UBE2D1: variants seen among roughly 807,000 people sequenced by gnomAD.
UBE2D1 encodes ubiquitin-conjugating enzyme E2 D1.
In UBE2D1, 9 loss-of-function variants were observed where a neutral mutation model predicts 24.6. That is an observed-to-expected ratio of 0.37 (90% confidence interval 0.22 to 0.64). The LOEUF is 0.64. UBE2D1 is among the 30% of genes least tolerant of loss of function. The pLI is 0.64. For synonymous variants in UBE2D1, 57 were observed against 57.6 expected, an observed-to-expected ratio of 0.99 and a Z score of 0.04; for missense variants, 87 against 177.1, an observed-to-expected ratio of 0.49 and a Z score of 2.89.
chr10:58,343,780 C>T (rs1839987247), intron 1 of UBE2D1, among the ~76,000 whole-genome samples: 1 of 152,128 alleles, frequency 6.6e-6, no homozygotes, highest in South Asian at 2.1e-4. Context: ...TATTATGAAA[C>T]ACTCAAGTGC....
intron 1 of UBE2D1, 144 bp downstream of exon 1, chr10:58,335,369 C>G (rs921261954): frequency 9.8e-7 from 1 of 1,020,554 alleles, no homozygotes; most frequent in Non-Finnish European, 1.4e-6. Flanking sequence ...AGGCTCGGGC[C>G]GGGCCAGCGG....
chr10:58,339,689 T>G (rs1201093486), intron 1 of UBE2D1, among the ~76,000 whole-genome samples: 1 of 152,022 alleles, frequency 6.6e-6, no homozygotes, highest in African/African-American at 2.4e-5. Flanking sequence ...AGTTTACTCA[T>G]GATCACATTA....
At chr10:58,360,479 G>T (rs1840183230) in intron 1 of UBE2D1, among the ~76,000 whole-genome samples, 1 of 152,194 alleles carries the variant, frequency 6.6e-6, no homozygotes, top group African/African-American at 2.4e-5. Context: ...GGAAAGAACT[G>T]GAATTACAAC....
At chr10:58,342,674 G>T (rs1230489306) in intron 1 of UBE2D1, among the ~76,000 whole-genome samples, 1 of 151,396 alleles carries the variant, frequency 6.6e-6, no homozygotes, top group Admixed American at 6.6e-5. Context: ...TTTGACCCTT[G>T]GATTATTTAG....
chr10:58,339,448 C>T (rs1839939043), intron 1 of UBE2D1, among the ~76,000 whole-genome samples: 1 of 152,102 alleles, frequency 6.6e-6, no homozygotes, highest in South Asian at 2.1e-4. Flanking sequence ...TTACTAGCTT[C>T]GTACAATGAG....
intron 1 of UBE2D1, among the ~76,000 whole-genome samples, chr10:58,359,866 C>T (rs1348562760): frequency 6.6e-6 from 1 of 152,168 alleles, no homozygotes; most frequent in Non-Finnish European, 1.5e-5. Context: ...TGTAATTCAT[C>T]AACTCCTGTG....
chr10:58,357,052 A>G (rs1165105514), intron 1 of UBE2D1, among the ~76,000 whole-genome samples: 8 of 152,070 alleles, frequency 5.3e-5, no homozygotes, highest in African/African-American at 1.9e-4. Context: ...GAAATATTCA[A>G]GAAGTGGGAA....
chr10:58,348,247 A>T (rs1840036861), intron 1 of UBE2D1, among the ~76,000 whole-genome samples: 2 of 152,208 alleles, frequency 1.3e-5, no homozygotes, highest in South Asian at 4.1e-4. Flanking sequence ...AGGCTTAAAG[A>T]GGTTCTGTAT....
chr10:58,351,564 TGTC>T (rs1230142577), intron 1 of UBE2D1, among the ~76,000 whole-genome samples: 2 of 152,244 alleles, frequency 1.3e-5, no homozygotes, highest in Non-Finnish European at 2.9e-5. Flanking sequence ...AGCATGGAGT[TGTC>T]GTCTCCTCTG....
chr10:58,361,955 C>G (rs563753255), intron 3 of UBE2D1, among the ~76,000 whole-genome samples: 2 of 152,142 alleles, frequency 1.3e-5, no homozygotes, highest in Non-Finnish European at 2.9e-5. Context: ...CATCACTGTT[C>G]TTTTTTGTGA....
chr10:58,360,010 G>T (rs901614277), intron 1 of UBE2D1, among the ~76,000 whole-genome samples: 1 of 152,002 alleles, frequency 6.6e-6, no homozygotes, highest in Admixed American at 6.6e-5. Context: ...GTCTAATCCA[G>T]TCACAACCAT....
chr10:58,364,368 G>A (rs772318041), intron 4 of UBE2D1: 8 of 154,918 alleles, frequency 5.2e-5, no homozygotes, highest in East Asian at 1.9e-4. Context: ...CTGAAACAGC[G>A]TCAGCACCCT....
Position 58,363,542 on chromosome 10 carries a change from G to A in UBE2D1, c.121-67G>A. 9 of 1,128,978 alleles carry A rather than the reference G, an allele frequency of 8.0e-6. No homozygotes were observed. The South Asian group carries it at 1.2e-4, about 15-fold the overall frequency. The allele number at this position is 1,128,978 out of a possible 1,614,324, so 69.9% of individuals were successfully genotyped here. ...TTTTTCAAACTGATAATATTTGGGG[G>A]AAATAATTTTGTTGTTATAAATAAA... On this transcript the variant is annotated intron_variant, in intron 3 of 6. Coordinates refer to ENST00000373910, the MANE Select transcript of UBE2D1 (RefSeq NM_003338.5).
At chr10:58,361,215 T>C in intron 1 of UBE2D1, 123 bp from the exon 2 acceptor site, 1 of 977,416 alleles carries the variant, frequency 1.0e-6, no homozygotes, top group Non-Finnish European at 1.5e-6. Flanking sequence ...TTTATGTTTT[T>C]ATATTTTGAA....
Position 58,351,701 on chromosome 10 carries a change from A to C in UBE2D1, c.25-9637A>C, listed in dbSNP as rs555610128. 1.6e-4 allele frequency among the ~76,000 whole-genome samples: 24 copies of C among 152,372 alleles called. No individual in the cohort carries two copies. In the South Asian group the frequency reaches 5.0e-3, roughly 32 times the overall value. ...ATAATGATTAAAAGTACAATGTAGT[A>C]AATACATGAACCAGTAACATAGTTG... is the stretch of plus-strand genomic sequence containing the variant. On this transcript the variant is annotated intron_variant, in intron 1 of 6. Coordinates refer to ENST00000373910, the MANE Select transcript of UBE2D1 (RefSeq NM_003338.5).
chr10:58,358,164 G>A (rs1840153238), intron 1 of UBE2D1, among the ~76,000 whole-genome samples: 1 of 152,090 alleles, frequency 6.6e-6, no homozygotes, highest in South Asian at 2.1e-4. Context: ...AAATCAGTAT[G>A]TATTTGTGCA....
At chr10:58,361,474 A>T in intron 2 of UBE2D1, 21 bp from the exon 3 acceptor site, 3 of 1,614,174 alleles carry the variant, frequency 1.9e-6, no homozygotes, top group Non-Finnish European at 2.5e-6. Flanking sequence ...AATGACTCCA[A>T]AACTCCTTTG....
At chr10:58,346,973 C>T (rs1158750010) in intron 1 of UBE2D1, among the ~76,000 whole-genome samples, 1 of 152,168 alleles carries the variant, frequency 6.6e-6, no homozygotes, top group African/African-American at 2.4e-5. Context: ...CCATCTATGC[C>T]TACACCTTCT....
intron 5 of UBE2D1, among the ~76,000 whole-genome samples, chr10:58,366,416 C>A (rs1009659028): frequency 2.0e-5 from 3 of 152,050 alleles, no homozygotes; most frequent in Non-Finnish European, 1.5e-5. Context: ...CTTTTCCTTA[C>A]CTTAAAGGAT....
Sources: allele counts gnomAD v4.1 joint callset (sites outside exome capture counted in the v4.1 genomes callset), GRCh38; gene constraint gnomAD v4.1.1; transcripts MANE v1.5; gene names NCBI Gene and HGNC (gene_info 2026-07-23, HGNC 2026-07-21).